The following PDE1A variants were observed in gnomAD, a reference collection of about 807,000 sequenced individuals.
The protein encoded by PDE1A is dual specificity calcium/calmodulin-dependent 3',5'-cyclic nucleotide phosphodiesterase 1A.
PDE1A carries 35 observed loss-of-function variants against 61.7 expected under a neutral mutation model. That is an observed-to-expected ratio of 0.57 (90% CI 0.43 to 0.75). The LOEUF is 0.75. PDE1A is among the 30% of genes least tolerant of loss of function. The probability of loss-of-function intolerance (pLI) is 0.00; values close to 1 mark genes in which losing one functional copy is unlikely to be tolerated. For missense variants in PDE1A, 597 were observed against 630.6 expected (o/e 0.95, Z 0.57); for synonymous variants, 232 against 213.2 (o/e 1.09, Z -0.77).
chr2:182,455,676 A>T (rs966661672), intron 2 of PDE1A, among the ~76,000 whole-genome samples: 3 of 152,056 alleles, frequency 2.0e-5, no homozygotes, highest in Non-Finnish European at 4.4e-5. Context: ...CAAACACTGC[A>T]TGTTCTCACT....
At chr2:182,305,845 T>G (rs1318447329) in intron 1 of PDE1A, among the ~76,000 whole-genome samples, 2 of 152,110 alleles carry the variant, frequency 1.3e-5, no homozygotes, top group Non-Finnish European at 2.9e-5. Context: ...ATCAAGCTAA[T>G]TAACATATCC....
chr2:182,508,282 A>C (rs1479329430), intron 2 of PDE1A, among the ~76,000 whole-genome samples: 2 of 152,152 alleles, frequency 1.3e-5, no homozygotes, highest in African/African-American at 4.8e-5. Flanking sequence ...CTAACATTAT[A>C]ATCAACGGTG....
At chr2:182,330,280 G>A (rs1168025891) in intron 1 of PDE1A, among the ~76,000 whole-genome samples, 2 of 151,688 alleles carry the variant, frequency 1.3e-5, no homozygotes, top group Admixed American at 6.6e-5. Context: ...GGAGGTGGAG[G>A]TTGCAGTGAG....
the PDE1A span, among the ~76,000 whole-genome samples, chr2:182,610,894 ATAAAG>A: frequency 2.0e-5 from 3 of 152,264 alleles, no homozygotes; most frequent in Non-Finnish European, 4.4e-5. Flanking sequence ...CTTTAAGAGA[ATAAAG>A]TAAATTATAT....
chr2:182,286,878 A>G (rs1694201050), intron 1 of PDE1A, among the ~76,000 whole-genome samples: 1 of 152,152 alleles, frequency 6.6e-6, no homozygotes, highest in Admixed American at 6.6e-5. Context: ...AGTGGCCTCC[A>G]TGCTTCCAGC....
At chr2:182,238,676 AC>A (rs1690261522) in intron 3 of PDE1A, among the ~76,000 whole-genome samples, 2 of 152,212 alleles carry the variant, frequency 1.3e-5, no homozygotes, top group Non-Finnish European at 2.9e-5. Context: ...TTTAAAAAAG[AC>A]TTTATTTCTA....
At chr2:182,604,102 A>C in the PDE1A span, among the ~76,000 whole-genome samples, 107 of 152,210 alleles carry the variant, frequency 7.0e-4, no homozygotes, top group Admixed American at 1.9e-3. Flanking sequence ...AATTAAGAAG[A>C]TCTTACTGGA....
At chr2:182,379,158 T>TA (rs539237516) in intron 1 of PDE1A, among the ~76,000 whole-genome samples, 1 of 151,622 alleles carries the variant, frequency 6.6e-6, no homozygotes, top group African/African-American at 2.4e-5. Context: ...TTCAACAGTG[T>TA]AAAAAAAAAT....
intron 1 of PDE1A, among the ~76,000 whole-genome samples, chr2:182,280,882 G>A (rs1693759838): frequency 6.6e-6 from 1 of 151,756 alleles, no homozygotes; most frequent in African/African-American, 2.4e-5. Context: ...GTGGCAGCAA[G>A]GTAAAAACTT....
At chr2:182,261,572 T>G (rs1232023792) in intron 2 of PDE1A, among the ~76,000 whole-genome samples, 1 of 152,088 alleles carries the variant, frequency 6.6e-6, no homozygotes. Context: ...AGGAAAAAAA[T>G]AAATGAATTT....
chr2:182,543,855 T>C, the PDE1A span, among the ~76,000 whole-genome samples: 3 of 152,158 alleles, frequency 2.0e-5, no homozygotes, highest in Non-Finnish European at 4.4e-5. Context: ...ACTAAAACTA[T>C]ATGGCAATTG....
At chr2:182,186,951 T>C (rs1310673724) in intron 11 of PDE1A, among the ~76,000 whole-genome samples, 1 of 152,210 alleles carries the variant, frequency 6.6e-6, no homozygotes, top group Non-Finnish European at 1.5e-5. Flanking sequence ...CATTATCTTT[T>C]TTGAAAGCAC....
intron 13 of PDE1A, among the ~76,000 whole-genome samples, chr2:182,171,513 G>A (rs975108991): frequency 6.6e-6 from 1 of 151,728 alleles, no homozygotes; most frequent in African/African-American, 2.4e-5. Flanking sequence ...ATAGAGACCT[G>A]GAATCAAGAG....
chr2:182,663,692 G>C, the PDE1A span, among the ~76,000 whole-genome samples: 1 of 152,072 alleles, frequency 6.6e-6, no homozygotes, highest in South Asian at 2.1e-4. Context: ...AGTGGGAGGA[G>C]GGAGAGAATC....
intron 6 of PDE1A, among the ~76,000 whole-genome samples, chr2:182,226,236 T>G (rs1689132186): frequency 6.7e-6 from 1 of 149,944 alleles, no homozygotes; most frequent in African/African-American, 2.5e-5. Context: ...GAAATTAAAT[T>G]AGAAAATCAG....
the PDE1A span, among the ~76,000 whole-genome samples, chr2:182,598,191 C>G: frequency 6.6e-6 from 1 of 152,202 alleles, no homozygotes; most frequent in Non-Finnish European, 1.5e-5. Flanking sequence ...TTCTTCTGTT[C>G]AACCCTTAAT....
chr2:182,205,802 T>C (rs1218364011), intron 8 of PDE1A, 138 bp downstream of exon 8: 2 of 706,352 alleles, frequency 2.8e-6, no homozygotes, highest in African/African-American at 3.6e-5. Context: ...CTAATCCTTC[T>C]CAGAGTCATC....
the PDE1A span, among the ~76,000 whole-genome samples, chr2:182,588,055 G>A: frequency 2.0e-5 from 3 of 152,216 alleles, no homozygotes; most frequent in Non-Finnish European, 2.9e-5. Context: ...TTTGGAATGT[G>A]AAGTTTGGAA....
intron 1 of PDE1A, among the ~76,000 whole-genome samples, chr2:182,378,965 G>C (rs1198454849): frequency 6.6e-6 from 1 of 152,098 alleles, no homozygotes; most frequent in Non-Finnish European, 1.5e-5. Context: ...CATTTGTTCA[G>C]ACTCTCAGCA....
Sources: allele counts gnomAD v4.1 joint callset (sites outside exome capture counted in the v4.1 genomes callset), GRCh38; gene constraint gnomAD v4.1.1; transcripts MANE v1.5; gene names NCBI Gene and HGNC (gene_info 2026-07-23, HGNC 2026-07-21).